The following ATRNL1 variants were observed in gnomAD, a reference collection of about 807,000 sequenced individuals.
The protein encoded by ATRNL1 is attractin-like protein 1.
In ATRNL1, 95 loss-of-function variants were observed where a neutral mutation model predicts 182.7. The ratio of observed to expected loss-of-function variants is 0.52; its 90% CI spans 0.44 to 0.62. The LOEUF (loss-of-function observed/expected upper bound fraction) is 0.62, where lower values mean the gene tolerates loss of function less well. Among genes scored for constraint, ATRNL1 ranks in the 20% least tolerant of loss-of-function variants. ATRNL1 has a pLI of 0.00. For missense variants in ATRNL1, 1,471 were observed against 1,679.5 expected (o/e 0.88, Z 2.17); for synonymous variants, 576 against 568.3 (o/e 1.01, Z -0.19).
chr10:115,539,253 T>C (rs1287277093), intron 25 of ATRNL1, among the ~76,000 whole-genome samples: 1 of 113,508 alleles, frequency 8.8e-6, no homozygotes, highest in Non-Finnish European at 1.9e-5. Flanking sequence ...TGTTACACCA[T>C]GATTTGTTAT....
intron 8 of ATRNL1, among the ~76,000 whole-genome samples, chr10:115,210,439 C>T (rs929613661): frequency 1.3e-5 from 2 of 151,814 alleles, no homozygotes; most frequent in African/African-American, 4.8e-5. Context: ...AGTTCTTCAC[C>T]CCAAAGATCC....
At chr10:115,918,649 GA>G (rs1952952982) in intron 28 of ATRNL1, among the ~76,000 whole-genome samples, 1 of 152,192 alleles carries the variant, frequency 6.6e-6, no homozygotes, top group Non-Finnish European at 1.5e-5. Context: ...CACACAGCCA[GA>G]ACCTCTTCAG....
intron 5 of ATRNL1, among the ~76,000 whole-genome samples, chr10:115,142,769 G>C (rs1845803800): frequency 6.6e-6 from 1 of 152,062 alleles, no homozygotes; most frequent in Non-Finnish European, 1.5e-5. Flanking sequence ...CTATGGAGGT[G>C]GTGACAATGG....
In ATRNL1 at chr10:115,442,303, C is replaced by CTCTCTCTCTCTCTCTG. The variant is rs782157017; in HGVS notation, c.3322+16002_3322+16003insCTCTCTCTCTCTCTGT. On this transcript the variant is annotated intron_variant, in intron 21 of 28. Transcript: ENST00000355044. The stretch of plus-strand genomic sequence containing the variant: ...TCTCTCTCTCTCTCTCTCTCTCTCT[C>CTCTCTCTCTCTCTCTG]TGTGTGTATGTGTGTGTGTAAACAA... Among the ~76,000 whole-genome samples the CTCTCTCTCTCTCTCTG allele has an allele frequency of 2.7e-3, 328 of 123,766 alleles. 4 individuals are homozygous for CTCTCTCTCTCTCTCTG. The highest frequency in any genetic ancestry group is 4.8e-3 in the Admixed American group (58 of 12,162). 81.2% of individuals were successfully genotyped at this position (123,766 alleles called of 152,430 possible). A position where few individuals can be genotyped will look rare whatever the true frequency, so the allele number is the denominator to read the frequency against.
At chr10:115,350,350 A>AAAAAAAAAAAAAAAAC in intron 19 of ATRNL1, among the ~76,000 whole-genome samples, 1 of 149,944 alleles carries the variant, frequency 6.7e-6, no homozygotes, top group Non-Finnish European at 1.5e-5. Flanking sequence ...AAAAAAGAAA[A>AAAAAAAAAAAAAAAAC]AAAAAAAAAA....
chr10:115,142,299 A>G (rs1554878253), intron 5 of ATRNL1, among the ~76,000 whole-genome samples: 1 of 152,222 alleles, frequency 6.6e-6, no homozygotes, highest in East Asian at 1.9e-4. Flanking sequence ...ATCTAGGGGA[A>G]GAACATTCTA....
chr10:115,880,199 A>C (rs2134438255), intron 28 of ATRNL1, among the ~76,000 whole-genome samples: 1 of 152,338 alleles, frequency 6.6e-6, no homozygotes, highest in Admixed American at 6.5e-5. Flanking sequence ...TGTAGCTCTA[A>C]CTGAAAAGCC....
chr10:115,542,146 G>A (rs1198334955), intron 25 of ATRNL1, among the ~76,000 whole-genome samples: 1 of 152,074 alleles, frequency 6.6e-6, no homozygotes, highest in Non-Finnish European at 1.5e-5. Context: ...TTCCTTATTA[G>A]ATATTAGTCT....
At chr10:115,311,762 T>C (rs1854041782) in intron 17 of ATRNL1, among the ~76,000 whole-genome samples, 1 of 152,222 alleles carries the variant, frequency 6.6e-6, no homozygotes, top group Non-Finnish European at 1.5e-5. Context: ...CTAGTATTGA[T>C]TGTTTTATGA....
chr10:115,939,622 C>G (rs1328820349), intron 28 of ATRNL1, among the ~76,000 whole-genome samples: 1 of 152,162 alleles, frequency 6.6e-6, no homozygotes, highest in Non-Finnish European at 1.5e-5. Context: ...ATTGTTCCCC[C>G]AGTTAATTGT....
intron 21 of ATRNL1, among the ~76,000 whole-genome samples, chr10:115,427,962 C>A (rs1397619731): frequency 6.6e-6 from 1 of 151,310 alleles, no homozygotes; most frequent in Admixed American, 6.6e-5. Context: ...AAAAAAATTG[C>A]TATAATTTGT....
At chr10:115,227,203 T>C (rs1292736298) in intron 9 of ATRNL1, among the ~76,000 whole-genome samples, 1 of 151,960 alleles carries the variant, frequency 6.6e-6, no homozygotes, top group Non-Finnish European at 1.5e-5. Flanking sequence ...CCGGAATCTG[T>C]AGAGAACTTA....
At chr10:115,344,546 T>C (rs1464152893) in intron 19 of ATRNL1, among the ~76,000 whole-genome samples, 3 of 152,086 alleles carry the variant, frequency 2.0e-5, no homozygotes, top group Admixed American at 1.3e-4. Context: ...CCCTCTGGCC[T>C]AGGGTAGGTT....
At chr10:115,519,880 T>C (rs1565125681) in intron 25 of ATRNL1, among the ~76,000 whole-genome samples, 1 of 152,232 alleles carries the variant, frequency 6.6e-6, no homozygotes, top group African/African-American at 2.4e-5. Flanking sequence ...TTATAGTTTG[T>C]AGCATTTCTC....
At chr10:115,234,136 C>T (rs1850076370) in intron 9 of ATRNL1, among the ~76,000 whole-genome samples, 1 of 151,968 alleles carries the variant, frequency 6.6e-6, no homozygotes, top group Non-Finnish European at 1.5e-5. Context: ...AGAGTTTTAA[C>T]TACTGAATTC....
At chr10:115,676,464 T>A (rs1256366721) in intron 26 of ATRNL1, among the ~76,000 whole-genome samples, 2 of 152,024 alleles carry the variant, frequency 1.3e-5, no homozygotes, top group Admixed American at 1.3e-4. Context: ...CTAATCCACA[T>A]GCAACTTCAC....
intron 4 of ATRNL1, chr10:115,128,534 T>C: frequency 9.4e-6 from 4 of 425,564 alleles, no homozygotes; most frequent in Non-Finnish European, 1.3e-5. Context: ...AGAACAAATA[T>C]ATAGTAGAAT....
At chr10:115,596,665 G>A (rs2133931472) in intron 26 of ATRNL1, among the ~76,000 whole-genome samples, 1 of 152,234 alleles carries the variant, frequency 6.6e-6, no homozygotes, top group Admixed American at 6.5e-5. Context: ...GTAGAGCTAG[G>A]ACAGTATTGG....
chr10:115,158,815 C>T (rs919496519), intron 5 of ATRNL1, among the ~76,000 whole-genome samples: 28 of 152,008 alleles, frequency 1.8e-4, no homozygotes, highest in African/African-American at 6.7e-4. Context: ...AGTAATGCCA[C>T]TGTATTGTAA....
Sources: allele counts gnomAD v4.1 joint callset (sites outside exome capture counted in the v4.1 genomes callset), GRCh38; gene constraint gnomAD v4.1.1; transcripts MANE v1.5; gene names NCBI Gene and HGNC (gene_info 2026-07-23, HGNC 2026-07-21).